DBN1: variants seen among roughly 807,000 people sequenced by gnomAD.
The protein encoded by DBN1 is drebrin 1.
DBN1 carries 21 observed loss-of-function variants against 83.5 expected under a neutral mutation model. The observed-to-expected ratio is 0.25, with a 90% CI of 0.18 to 0.36. DBN1 has a LOEUF of 0.36. DBN1 is among the 10% of genes least tolerant of loss of function. The pLI, the probability that DBN1 is intolerant of heterozygous loss-of-function variation, is 1.00. For missense variants in DBN1, 874 were observed against 935.7 expected (o/e 0.93, Z 0.86); for synonymous variants, 381 against 384.9 (o/e 0.99, Z 0.12).
Position 177,467,645 on chromosome 5 carries a change from C to T in DBN1, c.331-18G>A. ...TCGACACCCTTCCGCAAGAAGACGG[C>T]AGTGCTCAGGCGGCACCATCCTCCC... On this transcript the variant is annotated intron_variant, in intron 4 of 14. Coordinates refer to ENST00000393565, the MANE Select transcript of DBN1 (RefSeq NM_001363541.2). The surrounding 1 kb of genome is among the most constrained non-coding windows in gnomAD (Gnocchi z 9.1). The T allele has an allele frequency of 6.4e-7, 1 of 1,568,106 alleles. No homozygotes were observed. The highest frequency in any genetic ancestry group is 8.6e-7 in the Non-Finnish European group (1 of 1,156,416).
chr5:177,459,073 GGT>G, intron 12 of DBN1, 23 bp downstream of exon 12: 1 of 1,580,910 alleles, frequency 6.3e-7, no homozygotes, highest in Non-Finnish European at 8.6e-7. Context: ...TGGGAGGCCT[GGT>G]GCAGGTAGCA....
At chr5:177,471,356 T>C (rs778605716) in intron 1 of DBN1, among the ~76,000 whole-genome samples, 9 of 152,116 alleles carry the variant, frequency 5.9e-5, no homozygotes, top group African/African-American at 2.2e-4. Flanking sequence ...ACAGTGGCCC[T>C]TCCCACCACA....
Position 177,473,530 on chromosome 5 carries a change from C to G in DBN1, c.-9G>C. 1 of 1,399,758 alleles carries G rather than the reference C, an allele frequency of 7.1e-7. No individual in the cohort carries two copies. Among genetic ancestry groups the G allele is most frequent in the Non-Finnish European group, 9.4e-7 (1 of 1,067,350 alleles). The allele number at this position is 1,399,758 out of a possible 1,614,324, so 86.7% of individuals were successfully genotyped here. The stretch of plus-strand genomic sequence containing the variant: ...AAGCTGACGCCGGCCATGCTTCGGG[C>G]CGGACCGGGCCGAACGGACAGACGC... On this transcript the variant is annotated 5_prime_UTR_variant, in exon 1 of 15. Coordinates refer to ENST00000393565, the MANE Select transcript of DBN1 (RefSeq NM_001363541.2).
At chr5:177,468,629 C>A in intron 2 of DBN1, 1 of 428,172 alleles carries the variant, frequency 2.3e-6, no homozygotes, top group South Asian at 8.3e-5. Context: ...CTGTTGGAGG[C>A]TCAGCCTCAG....
Position 177,458,309 on chromosome 5 carries a change from C to T in DBN1, c.1663G>A (p.Val555Met). 6.2e-7 allele frequency: 1 copy of T among 1,613,358 alleles called. No homozygotes were observed. The highest frequency in any genetic ancestry group is 8.5e-7 in the Non-Finnish European group (1 of 1,179,488). ...GGAGCCACCTCATCCAGCAGGGGCA[C>T]CTCTGCCAGGGTGACCTCAGTACCC... ...PSGTEVTLAE[V>M]PLLDEVAPEP... Residue 555 changes from valine (V) to methionine (M), a missense_variant, in exon 13 of 15, where the codon GTG becomes ATG. Physicochemically the swap from Val to Met is conservative, Grantham distance 21 (BLOSUM62 1). This residue lies in a region of DBN1 where 725 missense variants were observed against 719.7 expected (regional missense o/e 1.01). Coordinates refer to ENST00000393565, the MANE Select transcript of DBN1 (RefSeq NM_001363541.2).
intron 2 of DBN1, 128 bp from the exon 3 acceptor site, chr5:177,468,348 T>G: frequency 1.3e-6 from 1 of 741,520 alleles, no homozygotes; most frequent in Non-Finnish European, 2.3e-6. Context: ...GCCTCTGGGG[T>G]CTGTGGGTCC....
Position 177,473,556 on chromosome 5 carries a change from GCGGA to G in DBN1, c.-39_-36del. The G allele has an allele frequency of 1.5e-6, 2 of 1,316,468 alleles. No individual in the cohort carries two copies. Among genetic ancestry groups the G allele is most frequent in the South Asian group, 1.8e-5 (1 of 54,792 alleles). 81.5% of individuals were successfully genotyped at this position (1,316,468 alleles called of 1,614,324 possible). A position where few individuals can be genotyped will look rare whatever the true frequency, so the allele number is the denominator to read the frequency against. On this transcript the variant is annotated 5_prime_UTR_variant, in exon 1 of 15. Transcript: ENST00000393565. ...CGGACCGGGCCGAACGGACAGACGC[GCGGA>G]CGGACGGGCGGACGGAGGAGGAGGG...
chr5:177,458,968 C>T (rs922246317), intron 12 of DBN1, 130 bp downstream of exon 12: 25 of 1,455,008 alleles, frequency 1.7e-5, no homozygotes, highest in African/African-American at 5.7e-5. Context: ...CCCACACAGC[C>T]GCCTCCAGGG....
Position 177,467,618 on chromosome 5 carries a change from C to G in DBN1, c.340G>C (p.Val114Leu), listed in dbSNP as rs752861304. Residue 114 changes from valine to leucine, a missense_variant, in exon 5 of 15, where the codon GTG becomes CTG. Transcript: ENST00000393565. This position sits in a 1 kb window ranked among gnomAD's most constrained non-coding sequence, Gnocchi z 9.1. Reference protein sequence around the residue: ...KVAEFFQGVDVIVNASSVEDI... With the variant: ...KVAEFFQGVDLIVNASSVEDI... ...TCCACGCTGCTGGCGTTCACGATCA[C>G]GTCGACACCCTTCCGCAAGAAGACG... is the stretch of plus-strand genomic sequence containing the variant. 2 of 1,572,864 alleles carry G rather than the reference C, an allele frequency of 1.3e-6. No homozygotes were observed. The highest frequency in any genetic ancestry group is 1.3e-5 in the African/African-American group (1 of 74,182).
Position 177,473,535 on chromosome 5 carries a change from C to G in DBN1, c.-14G>C. 1.4e-6 allele frequency: 2 copies of G among 1,383,240 alleles called. No homozygotes were observed. The highest frequency in any genetic ancestry group is 1.5e-5 in the South Asian group (1 of 65,414). 85.7% of individuals were successfully genotyped at this position (1,383,240 alleles called of 1,614,324 possible). A position where few individuals can be genotyped will look rare whatever the true frequency, so the allele number is the denominator to read the frequency against. On this transcript the variant is annotated 5_prime_UTR_variant, in exon 1 of 15. Transcript: ENST00000393565. ...GACGCCGGCCATGCTTCGGGCCGGA[C>G]CGGGCCGAACGGACAGACGCGCGGA...
rs1303564501 is a variant in DBN1, at chr5:177,467,792, C to T, written c.281G>A (p.Arg94His). 4.5e-6 allele frequency: 7 copies of T among 1,557,772 alleles called. No individual in the cohort carries two copies. In the Admixed American group the frequency reaches 5.8e-5, roughly 13 times the overall value. Residue 94 changes from arginine (R) to histidine (H), a missense_variant, in exon 4 of 15, where the codon CGC (arginine) becomes CAC (histidine). Coordinates refer to ENST00000393565, the MANE Select transcript of DBN1 (RefSeq NM_001363541.2). The surrounding 1 kb of genome is among the most constrained non-coding windows in gnomAD (Gnocchi z 9.1). Reference protein sequence around the residue: ...NWVGEDVPDARKCACASHVAK... With the variant: ...NWVGEDVPDAHKCACASHVAK... ...CACGTGGCTGGCACAAGCGCACTTGCGGGCATCAGGCACATCTTCGCCCAC... is the reference window on the plus strand; with the variant it reads ...CACGTGGCTGGCACAAGCGCACTTGTGGGCATCAGGCACATCTTCGCCCAC...
Position 177,456,689 on chromosome 5 carries a change from A to AC in DBN1, c.*743_*744insG, listed in dbSNP as rs1561673395. On this transcript the variant is annotated 3_prime_UTR_variant, in exon 15 of 15. Coordinates refer to ENST00000393565, the MANE Select transcript of DBN1 (RefSeq NM_001363541.2). ...TGTGCTTTCCAAAAAAAAAAAAAAAAAAAAAAAAAAAACAGTTACTAAACG... is the reference window on the plus strand; with the variant it reads ...TGTGCTTTCCAAAAAAAAAAAAAAAACAAAAAAAAAAAACAGTTACTAAACG... 6.6e-6 allele frequency: 1 copy of AC among 151,522 alleles called. No individual in the cohort carries two copies. Among genetic ancestry groups the AC allele is most frequent in the African/African-American group, 2.4e-5 (1 of 41,114 alleles). 9.4% of individuals were successfully genotyped at this position (151,522 alleles called of 1,614,324 possible).
At chr5:177,459,015 G>A in intron 12 of DBN1, 83 bp downstream of exon 12, 1 of 1,532,356 alleles carries the variant, frequency 6.5e-7, no homozygotes. Context: ...CAGATCCCTG[G>A]AGAACGGTTA....
At chr5:177,465,854 CAA>C (rs111807451) in intron 8 of DBN1, among the ~76,000 whole-genome samples, 829 of 69,766 alleles carry the variant, frequency 0.012, 7 homozygotes, top group African/African-American at 0.033. Flanking sequence ...GACTCCATCT[CAA>C]AAAAAAAAAA....
chr5:177,472,421 G>C (rs913661353), intron 1 of DBN1: 1 of 1,399,894 alleles, frequency 7.1e-7, no homozygotes, highest in Non-Finnish European at 9.2e-7. Flanking sequence ...ATTACGGGGG[G>C]GTTAAAGGAT....
rs1757513024 is a variant in DBN1 at position 177,467,282 on chromosome 5, G to A, written c.528C>T (p.Asn176=). ...TGGCCTGCTCCCAGAACTGCTCTCGGTTAATCCGCTTCATTTCCACAGCTG... is the reference window on the plus strand; with the variant it reads ...TGGCCTGCTCCCAGAACTGCTCTCGATTAATCCGCTTCATTTCCACAGCTG... The part of the protein sequence containing the change: ...TDAAVEMKRI[N]REQFWEQAKK... The change falls in exon 6 of 15, where the codon AAC becomes AAT. Residue 176 remains asparagine, a synonymous_variant. Transcript: ENST00000393565. This position sits in a 1 kb window ranked among gnomAD's most constrained non-coding sequence, Gnocchi z 9.1. 6.2e-7 allele frequency: 1 copy of A among 1,614,154 alleles called. No individual in the cohort carries two copies. The highest frequency in any genetic ancestry group is 8.5e-7 in the Non-Finnish European group (1 of 1,180,004).
Position 177,467,263 on chromosome 5 carries a change from G to T in DBN1, c.547C>A (p.Gln183Lys). The T allele has an allele frequency of 6.2e-7, 1 of 1,614,154 alleles. No individual in the cohort carries two copies. Among genetic ancestry groups the T allele is most frequent in the South Asian group, 1.1e-5 (1 of 91,086 alleles). Residue 183 changes from glutamine to lysine, a missense_variant, in exon 6 of 15, where the codon CAG becomes AAG. By Grantham distance (53) the Gln-to-Lys change is moderately conservative. Transcript: ENST00000393565. The surrounding 1 kb of genome is among the most constrained non-coding windows in gnomAD (Gnocchi z 9.1). ...GGCTCAGGGTTCCATACCTTGGCCT[G>T]CTCCCAGAACTGCTCTCGGTTAATC... ...KRINREQFWE[Q>K]AKKEEELRKE...
chr5:177,457,904 G>A (rs1306641563), intron 13 of DBN1, 147 bp from the exon 14 acceptor site: 1 of 1,011,696 alleles, frequency 9.9e-7, no homozygotes, highest in African/African-American at 1.6e-5. Flanking sequence ...CAAAAGCAGA[G>A]CCGGCCCAGG....
intron 8 of DBN1, among the ~76,000 whole-genome samples, chr5:177,460,912 T>C (rs934715619): frequency 3.3e-5 from 5 of 152,120 alleles, no homozygotes; most frequent in Non-Finnish European, 5.9e-5. Flanking sequence ...CCCGAGTAGC[T>C]GGGACTACAG....
Sources: allele counts gnomAD v4.1 joint callset (sites outside exome capture counted in the v4.1 genomes callset), GRCh38; gene constraint gnomAD v4.1.1; regional missense constraint gnomAD v4.1.1; non-coding constraint Gnocchi (gnomAD v3.1); transcripts MANE v1.5; gene names NCBI Gene and HGNC (gene_info 2026-07-23, HGNC 2026-07-21).